DPP10: variants seen among roughly 807,000 people sequenced by gnomAD.
DPP10 encodes the protein inactive dipeptidyl peptidase 10.
In DPP10, 33 loss-of-function variants were observed where a neutral mutation model predicts 120.9. The observed-to-expected ratio is 0.27, with a 90% CI of 0.21 to 0.37. The LOEUF (loss-of-function observed/expected upper bound fraction) is 0.37, where lower values mean the gene tolerates loss of function less well. Ranked by LOEUF, DPP10 falls within the 10% of genes least tolerant of loss-of-function variation. The pLI is 1.00. For synonymous variants in DPP10, 337 were observed against 326.1 expected, an observed-to-expected ratio of 1.03 and a Z score of -0.36; for missense variants, 816 against 942.8, an observed-to-expected ratio of 0.87 and a Z score of 1.76.
intron 1 of DPP10, among the ~76,000 whole-genome samples, chr2:114,501,514 G>T (rs1426868359): frequency 1.3e-5 from 2 of 152,168 alleles, no homozygotes; most frequent in Admixed American, 6.6e-5. Context: ...TAAAAAATCT[G>T]CCATGTTCTA....
chr2:114,704,137 T>G (rs1700548738), intron 1 of DPP10, among the ~76,000 whole-genome samples: 1 of 152,134 alleles, frequency 6.6e-6, no homozygotes, highest in South Asian at 2.1e-4. Flanking sequence ...AATGATGTAT[T>G]TCAGAAAGGA....
intron 1 of DPP10, among the ~76,000 whole-genome samples, chr2:115,072,051 T>A (rs562676253): frequency 6.6e-6 from 1 of 152,144 alleles, no homozygotes; most frequent in South Asian, 2.1e-4. Flanking sequence ...ACAGGGACGA[T>A]AGAGGAAACT....
intron 10 of DPP10, among the ~76,000 whole-genome samples, chr2:115,751,790 T>G (rs1012511867): frequency 6.3e-5 from 5 of 79,170 alleles, no homozygotes; most frequent in Admixed American, 1.4e-4. Context: ...ATTAACTGTG[T>G]TTTTTTTTTG....
At chr2:115,285,032 T>A (rs574546338) in intron 1 of DPP10, among the ~76,000 whole-genome samples, 1 of 152,152 alleles carries the variant, frequency 6.6e-6, no homozygotes, top group African/African-American at 2.4e-5. Context: ...AATGTCCAGC[T>A]CTTTGTTAAG....
rs76682177 is a variant in DPP10, at chr2:114,464,119, T to C, written c.60+21281T>C. Among the ~76,000 whole-genome samples, 120 of 152,326 alleles carry C rather than the reference T, an allele frequency of 7.9e-4. 1 individual carries two copies. The East Asian group carries it at 0.021, about 27-fold the overall frequency. On this transcript the variant is annotated intron_variant, in intron 1 of 25. Transcript: ENST00000410059. ...AAACATTCAGGTGCAGGTTTTTGTG[T>C]GGACATAAATTCAAGTCAATTGGGT...
intron 1 of DPP10, among the ~76,000 whole-genome samples, chr2:114,470,398 G>T (rs1418981077): frequency 2.0e-5 from 3 of 152,172 alleles, no homozygotes; most frequent in Non-Finnish European, 1.5e-5. Context: ...AAATGAAATA[G>T]ATTTAAATTG....
chr2:115,367,999 A>C (rs2106383235), intron 3 of DPP10, among the ~76,000 whole-genome samples: 1 of 152,230 alleles, frequency 6.6e-6, no homozygotes, highest in African/African-American at 2.4e-5. Flanking sequence ...CATGTCCCTT[A>C]ATCTAAGGGA....
chr2:114,587,259 C>A (rs1260705659), intron 1 of DPP10, among the ~76,000 whole-genome samples: 1 of 149,158 alleles, frequency 6.7e-6, no homozygotes, highest in African/African-American at 2.5e-5. Flanking sequence ...CAAGATCGCG[C>A]CATTGCACTC....
chr2:114,983,808 G>A (rs983557591), intron 1 of DPP10, among the ~76,000 whole-genome samples: 7 of 152,146 alleles, frequency 4.6e-5, no homozygotes, highest in Admixed American at 6.5e-5. Context: ...AGTGATCTTG[G>A]AGGTTGATCC....
chr2:115,060,315 G>A (rs1195604339), intron 1 of DPP10, among the ~76,000 whole-genome samples: 1 of 151,996 alleles, frequency 6.6e-6, no homozygotes, highest in Non-Finnish European at 1.5e-5. Context: ...TATAAAGCCC[G>A]TGGGCTGTGA....
intron 1 of DPP10, among the ~76,000 whole-genome samples, chr2:114,481,999 G>A (rs1309646997): frequency 6.6e-6 from 1 of 151,466 alleles, no homozygotes; most frequent in Non-Finnish European, 1.5e-5. Flanking sequence ...GAGAGAGAGA[G>A]AAAGAGAAAG....
At chr2:114,662,333 GGCGCGGGCACCGCT>G (rs1558978848) in intron 1 of DPP10, among the ~76,000 whole-genome samples, 3 of 152,170 alleles carry the variant, frequency 2.0e-5, no homozygotes, top group South Asian at 2.1e-4. Flanking sequence ...TCCCTGCGGG[GGCGCGGGCACCGCT>G]GCGCGGGGAG....
At chr2:115,196,528 T>C (rs1387703152) in intron 1 of DPP10, among the ~76,000 whole-genome samples, 1 of 152,254 alleles carries the variant, frequency 6.6e-6, no homozygotes, top group East Asian at 1.9e-4. Flanking sequence ...TGCTTCAAAA[T>C]GTATTTGTAA....
intron 1 of DPP10, among the ~76,000 whole-genome samples, chr2:114,938,660 G>A (rs986392229): frequency 1.3e-5 from 2 of 150,766 alleles, no homozygotes; most frequent in Non-Finnish European, 2.9e-5. Flanking sequence ...GTATGACTAA[G>A]AAGTGACATT....
intron 1 of DPP10, among the ~76,000 whole-genome samples, chr2:115,302,343 A>G (rs1430017799): frequency 6.6e-6 from 1 of 152,118 alleles, no homozygotes; most frequent in East Asian, 1.9e-4. Flanking sequence ...TTGGGGAGTG[A>G]TAAATGTGAA....
intron 1 of DPP10, among the ~76,000 whole-genome samples, chr2:115,138,390 A>G (rs187165023): frequency 1.3e-5 from 2 of 152,302 alleles, no homozygotes; most frequent in East Asian, 3.9e-4. Context: ...TTGATTGTGC[A>G]TTCTATTGGT....
At chr2:114,688,921 T>C (rs1699548232) in intron 1 of DPP10, among the ~76,000 whole-genome samples, 1 of 151,822 alleles carries the variant, frequency 6.6e-6, no homozygotes, top group South Asian at 2.1e-4. Flanking sequence ...GGGAAGTGTG[T>C]GTATGTGTGT....
chr2:115,779,163 G>C (rs964873), intron 15 of DPP10, among the ~76,000 whole-genome samples: 147,916 of 152,208 alleles, frequency 0.97, 72,041 homozygotes, highest in East Asian at 1. Flanking sequence ...CATTATTAGT[G>C]TAAAATGTGA....
chr2:115,166,527 A>ATG, intron 1 of DPP10, among the ~76,000 whole-genome samples: 2 of 138,848 alleles, frequency 1.4e-5, no homozygotes, highest in African/African-American at 2.7e-5. Context: ...TAATATAAAT[A>ATG]TATATATAAA....
Sources: allele counts gnomAD v4.1 joint callset (sites outside exome capture counted in the v4.1 genomes callset), GRCh38; gene constraint gnomAD v4.1.1; transcripts MANE v1.5; gene names NCBI Gene and HGNC (gene_info 2026-07-23, HGNC 2026-07-21).